Variants in CADPS2 observed in about 807,000 individuals in gnomAD.
The protein encoded by CADPS2 is calcium-dependent secretion activator 2.
In CADPS2, 93 loss-of-function variants were observed where a neutral mutation model predicts 172.5. The observed-to-expected ratio is 0.54, with a 90% CI of 0.46 to 0.64. CADPS2 has a LOEUF of 0.64. Among genes scored for constraint, CADPS2 ranks in the 30% least tolerant of loss-of-function variants. The pLI, the probability that CADPS2 is intolerant of heterozygous loss-of-function variation, is 0.00. For synonymous variants in CADPS2, 546 were observed against 555.2 expected (o/e 0.98, Z 0.23); for missense variants, 1,420 against 1,565.9 (o/e 0.91, Z 1.57).
intron 1 of CADPS2, among the ~76,000 whole-genome samples, chr7:122,800,530 G>A (rs527957837): frequency 6.6e-6 from 1 of 152,268 alleles, no homozygotes; most frequent in Non-Finnish European, 1.5e-5. Context: ...GATGTAGGTT[G>A]GGGGCTGAGA....
intron 1 of CADPS2, among the ~76,000 whole-genome samples, chr7:122,778,707 T>C (rs2139316467): frequency 6.6e-6 from 1 of 152,370 alleles, no homozygotes; most frequent in South Asian, 2.1e-4. Context: ...CCTTGGCAGC[T>C]TCTGTGTGGT....
chr7:122,344,735 A>G (rs1165543491), intron 28 of CADPS2, among the ~76,000 whole-genome samples: 1 of 152,178 alleles, frequency 6.6e-6, no homozygotes, highest in African/African-American at 2.4e-5. Context: ...GAATGCTGCA[A>G]AAGGCAAGTG....
intron 2 of CADPS2, among the ~76,000 whole-genome samples, chr7:122,685,347 A>C (rs1333730394): frequency 6.6e-6 from 1 of 152,214 alleles, no homozygotes; most frequent in Non-Finnish European, 1.5e-5. Context: ...TTCTTATTGC[A>C]TGCTAATCCC....
intron 11 of CADPS2, among the ~76,000 whole-genome samples, chr7:122,483,307 T>C (rs1333095463): frequency 6.6e-6 from 1 of 152,142 alleles, no homozygotes; most frequent in Admixed American, 6.6e-5. Context: ...AGCAGCACAT[T>C]TCTCATTGGA....
rs2087146773 is a variant in CADPS2, at chr7:122,705,885, A to ATG, written c.453+31069_453+31070insCA. ...TACATATTATATATAATATAATATA[A>ATG]TAAATATAATATAATATATAATATA... On this transcript the variant is annotated intron_variant, in intron 2 of 29. Transcript: ENST00000449022. 1.3e-3 allele frequency among the ~76,000 whole-genome samples: 2 copies of ATG among 1,596 alleles called. 1 individual carries two copies. The highest frequency in any genetic ancestry group is 2.6e-3 in the African/African-American group (2 of 774). The allele number at this position is 1,596 out of a possible 152,430, so 1.0% of individuals were successfully genotyped here. A position where few individuals can be genotyped will look rare whatever the true frequency, so the allele number is the denominator to read the frequency against.
chr7:122,613,279 T>C (rs2074504552), intron 6 of CADPS2, among the ~76,000 whole-genome samples: 1 of 152,072 alleles, frequency 6.6e-6, no homozygotes. Flanking sequence ...ACATATATGA[T>C]GTGGGCCTAG....
At chr7:122,829,623 TAC>T (rs1389666631) in intron 1 of CADPS2, among the ~76,000 whole-genome samples, 17 of 152,330 alleles carry the variant, frequency 1.1e-4, no homozygotes, top group East Asian at 9.6e-4. Flanking sequence ...GTTCAACAGT[TAC>T]ACAGTCTACT....
intron 27 of CADPS2, among the ~76,000 whole-genome samples, chr7:122,345,945 T>A (rs79928621): frequency 0.028 from 4,049 of 146,658 alleles, 186 homozygotes; most frequent in African/African-American, 0.099. Flanking sequence ...TAAATGGCTA[T>A]CTTGAAAGGC....
intron 25 of CADPS2, among the ~76,000 whole-genome samples, chr7:122,371,636 T>C (rs549497995): frequency 1.3e-5 from 2 of 150,054 alleles, no homozygotes; most frequent in South Asian, 4.3e-4. Flanking sequence ...TGGGGGACCA[T>C]GGTGGAGATC....
At chr7:122,697,253 GAAT>G (rs530623562) in intron 2 of CADPS2, among the ~76,000 whole-genome samples, 13 of 151,882 alleles carry the variant, frequency 8.6e-5, no homozygotes, top group East Asian at 3.9e-4. Context: ...TCAAGAATAA[GAAT>G]AATAAGATTT....
At chr7:122,822,074 A>G (rs1257589862) in intron 1 of CADPS2, among the ~76,000 whole-genome samples, 2 of 151,832 alleles carry the variant, frequency 1.3e-5, no homozygotes, top group Non-Finnish European at 2.9e-5. Flanking sequence ...GCCGGTTTAC[A>G]CTGTTTTTCC....
At chr7:122,845,290 T>C (rs1176376482) in intron 1 of CADPS2, among the ~76,000 whole-genome samples, 1 of 152,194 alleles carries the variant, frequency 6.6e-6, no homozygotes, top group Non-Finnish European at 1.5e-5. Flanking sequence ...CAGGACTTAT[T>C]CTAAGAGCAA....
intron 25 of CADPS2, among the ~76,000 whole-genome samples, chr7:122,377,029 C>T (rs889723876): frequency 1.3e-5 from 2 of 152,018 alleles, no homozygotes; most frequent in Non-Finnish European, 2.9e-5. Context: ...TTATACTTTT[C>T]AACCAAAGAA....
At chr7:122,773,538 A>G (rs1185157963) in intron 1 of CADPS2, among the ~76,000 whole-genome samples, 1 of 152,050 alleles carries the variant, frequency 6.6e-6, no homozygotes, top group Non-Finnish European at 1.5e-5. Context: ...GAAACAATGA[A>G]GAGGGTGTCT....
At chr7:122,553,243 G>A (rs2064557856) in intron 8 of CADPS2, among the ~76,000 whole-genome samples, 1 of 152,074 alleles carries the variant, frequency 6.6e-6, no homozygotes. Context: ...CTATAGGCCT[G>A]CAATAATATC....
chr7:122,572,949 T>C (rs1431224976), intron 7 of CADPS2, among the ~76,000 whole-genome samples: 1 of 152,102 alleles, frequency 6.6e-6, no homozygotes, highest in African/African-American at 2.4e-5. Context: ...GCATCTGCCA[T>C]CCACAAACAA....
At chr7:122,439,794 T>A (rs916768738) in intron 16 of CADPS2, among the ~76,000 whole-genome samples, 2 of 152,226 alleles carry the variant, frequency 1.3e-5, no homozygotes, top group African/African-American at 4.8e-5. Context: ...TAAATGTGAT[T>A]ATTACTAAAC....
In CADPS2 at chr7:122,451,426, C is replaced by A; in HGVS notation, c.2236G>T (p.Glu746Ter). Residue 746 changes from glutamate to a stop codon, truncating the protein, a stop_gained, in exon 15 of 30, where the codon GAG becomes TAG. Coordinates refer to ENST00000449022, the MANE Select transcript of CADPS2 (RefSeq NM_017954.11). LOFTEE classifies it high-confidence loss of function. Reference sequence around the variant, plus strand: ...AGGGAAGAGAGTCTCTCTTTTATCTCCTCAAATCTTTCTTTTTCTTCCACT... The same window carrying A: ...AGGGAAGAGAGTCTCTCTTTTATCTACTCAAATCTTTCTTTTTCTTCCACT... ...VSVEEKERFE[E>*]IKERLSSLLE... is the part of the protein sequence containing the mutation. 1 of 1,584,092 alleles carries A rather than the reference C, an allele frequency of 6.3e-7. No individual in the cohort carries two copies. The highest frequency in any genetic ancestry group is 8.6e-7 in the Non-Finnish European group (1 of 1,164,454).
intron 6 of CADPS2, among the ~76,000 whole-genome samples, chr7:122,583,327 G>C (rs972312931): frequency 6.6e-6 from 1 of 151,850 alleles, no homozygotes; most frequent in African/African-American, 2.4e-5. Context: ...GGTTAAGATG[G>C]GGAATGTACT....
Sources: allele counts gnomAD v4.1 joint callset (sites outside exome capture counted in the v4.1 genomes callset), GRCh38; gene constraint gnomAD v4.1.1; transcripts MANE v1.5; gene names NCBI Gene and HGNC (gene_info 2026-07-23, HGNC 2026-07-21).